Variants in NPSR1 observed in about 807,000 individuals in gnomAD.
NPSR1 encodes neuropeptide S receptor 1.
In NPSR1, 48 loss-of-function variants were observed where a neutral mutation model predicts 46.9. The ratio of observed to expected loss-of-function variants is 1.02; its 90% confidence interval spans 0.81 to 1.30. The LOEUF (loss-of-function observed/expected upper bound fraction) is 1.30. Ranked by LOEUF, NPSR1 falls within the 50% of genes most tolerant of loss-of-function variation. NPSR1 has a pLI of 0.00. For missense variants in NPSR1, 450 were observed against 449.5 expected (o/e 1.00, Z -0.01); for synonymous variants, 176 against 168.1 (o/e 1.05, Z -0.36).
At chr7:34,705,474 A>C (rs1005924029) in intron 2 of NPSR1, among the ~76,000 whole-genome samples, 2 of 150,814 alleles carry the variant, frequency 1.3e-5, no homozygotes, top group African/African-American at 4.9e-5. Context: ...AAAGCCTTTC[A>C]CACTTTCTCT....
At chr7:34,674,803 G>C (rs1407957333) in intron 1 of NPSR1, among the ~76,000 whole-genome samples, 1 of 152,160 alleles carries the variant, frequency 6.6e-6, no homozygotes, top group Non-Finnish European at 1.5e-5. Context: ...TGTTGCCATA[G>C]AGTCCCTCCA....
chr7:34,714,308 C>T (rs1783449131), intron 2 of NPSR1, among the ~76,000 whole-genome samples: 1 of 152,214 alleles, frequency 6.6e-6, no homozygotes, highest in Non-Finnish European at 1.5e-5. Flanking sequence ...GTCCCAGCTC[C>T]AGCCAGGGTT....
chr7:34,727,978 T>C (rs1400107978), intron 2 of NPSR1, among the ~76,000 whole-genome samples: 1 of 150,896 alleles, frequency 6.6e-6, no homozygotes, highest in Non-Finnish European at 1.5e-5. Context: ...AAAAAAAACC[T>C]GAGGCTTTCT....
At chr7:34,759,159 C>A (rs1271510906) in intron 2 of NPSR1, among the ~76,000 whole-genome samples, 1 of 152,108 alleles carries the variant, frequency 6.6e-6, no homozygotes, top group Non-Finnish European at 1.5e-5. Flanking sequence ...TACTATTTTT[C>A]CTTTTGCAAC....
At chr7:34,854,150 A>G (rs1791002185), downstream of NPSR1, among the ~76,000 whole-genome samples, 1 of 152,230 alleles carries the variant, frequency 6.6e-6, no homozygotes, top group Admixed American at 6.5e-5. Flanking sequence ...CTAAAATAGT[A>G]GAAATGCAAA....
intron 2 of NPSR1, among the ~76,000 whole-genome samples, chr7:34,746,954 G>A (rs1010916233): frequency 2.0e-5 from 3 of 151,900 alleles, no homozygotes; most frequent in Admixed American, 6.6e-5. Flanking sequence ...GTGAAACCCC[G>A]TGTCTATTAA....
At chr7:34,773,916 C>T (rs1786812178) in intron 2 of NPSR1, among the ~76,000 whole-genome samples, 1 of 152,168 alleles carries the variant, frequency 6.6e-6, no homozygotes, top group Non-Finnish European at 1.5e-5. Flanking sequence ...AAAATCTTCA[C>T]ACATTGTGCC....
intron 2 of NPSR1, among the ~76,000 whole-genome samples, chr7:34,755,013 T>C (rs1785750598): frequency 6.6e-6 from 1 of 152,232 alleles, no homozygotes; most frequent in Non-Finnish European, 1.5e-5. Flanking sequence ...GCACATTTTG[T>C]TTATCCGTTC....
At chr7:34,758,004 T>A (rs1031155962) in intron 2 of NPSR1, 9 of 152,668 alleles carry the variant, frequency 5.9e-5, no homozygotes, top group African/African-American at 2.2e-4. Flanking sequence ...GCATTCATCC[T>A]CTGGAATGAC....
intron 2 of NPSR1, among the ~76,000 whole-genome samples, chr7:34,753,263 C>G (rs544704189): frequency 6.6e-6 from 1 of 152,198 alleles, no homozygotes; most frequent in Non-Finnish European, 1.5e-5. Flanking sequence ...GAATAAAAGC[C>G]CAGAAATACG....
At chr7:34,736,146 G>A (rs1052225440) in intron 2 of NPSR1, among the ~76,000 whole-genome samples, 1 of 152,100 alleles carries the variant, frequency 6.6e-6, no homozygotes, top group Non-Finnish European at 1.5e-5. Context: ...ACTTACCCAT[G>A]TTTAGTTCTC....
At chr7:34,802,780 A>G (rs1443506158) in intron 3 of NPSR1, among the ~76,000 whole-genome samples, 1 of 150,480 alleles carries the variant, frequency 6.6e-6, no homozygotes, top group Admixed American at 6.6e-5. Flanking sequence ...TGAACAGGCA[A>G]CCTACAAAAT....
At chr7:34,727,073 T>A (rs1417408633) in intron 2 of NPSR1, among the ~76,000 whole-genome samples, 1 of 152,160 alleles carries the variant, frequency 6.6e-6, no homozygotes, top group Admixed American at 6.5e-5. Context: ...ACCATTCTGG[T>A]ATGGGATATT....
chr7:34,778,381 T>A (rs1262886115), intron 2 of NPSR1, 81 bp from the exon 3 acceptor site: 1 of 786,596 alleles, frequency 1.3e-6, no homozygotes, highest in African/African-American at 1.8e-5. Flanking sequence ...AGGATTTCAT[T>A]TCTATTGTGG....
intron 2 of NPSR1, among the ~76,000 whole-genome samples, chr7:34,728,465 C>T (rs1784266952): frequency 6.6e-6 from 1 of 152,158 alleles, no homozygotes; most frequent in African/African-American, 2.4e-5. Context: ...AGTGCCTCAT[C>T]CCCCGACAAA....
At chr7:34,761,319 T>C (rs1186560418) in intron 2 of NPSR1, 1 of 152,200 alleles carries the variant, frequency 6.6e-6, no homozygotes, top group East Asian at 1.9e-4. Context: ...GATTAGACTC[T>C]TCTACTATAA....
intron 2 of NPSR1, among the ~76,000 whole-genome samples, chr7:34,756,532 A>C (rs999329282): frequency 6.6e-6 from 1 of 152,166 alleles, no homozygotes; most frequent in South Asian, 2.1e-4. Flanking sequence ...TGTGTCAACT[A>C]CCCAACTCTG....
chr7:34,815,654 G>A (rs761140198), intron 4 of NPSR1, among the ~76,000 whole-genome samples: 1 of 152,106 alleles, frequency 6.6e-6, no homozygotes, highest in African/African-American at 2.4e-5. Context: ...AAATGTTAAC[G>A]GCAGCCAGAG....
At chr7:34,750,128 A>ATTTT (rs34129840) in intron 2 of NPSR1, 101 of 241,672 alleles carry the variant, frequency 4.2e-4, no homozygotes, top group African/African-American at 1.2e-3. Context: ...TCGTGTATGT[A>ATTTT]TTTTTTTTTT....
Sources: allele counts gnomAD v4.1 joint callset (sites outside exome capture counted in the v4.1 genomes callset), GRCh38; gene constraint gnomAD v4.1.1; transcripts MANE v1.5; gene names NCBI Gene and HGNC (gene_info 2026-07-23, HGNC 2026-07-21).